HDAC9: variants seen among roughly 807,000 people sequenced by gnomAD.
HDAC9 encodes MEF-2 interacting transcription repressor (MITR) protein.
A neutral mutation model predicts 139.4 loss-of-function variants in HDAC9; 41 were observed. That is an observed-to-expected ratio of 0.29 (90% confidence interval 0.23 to 0.38). The LOEUF is 0.38. HDAC9 is among the 10% of genes least tolerant of loss of function. The pLI is 1.00. For missense variants in HDAC9, 1,147 were observed against 1,297.0 expected (o/e 0.88, Z 1.78); for synonymous variants, 517 against 476.2 (o/e 1.09, Z -1.12).
At chr7:18,312,860 C>A (rs137953300) in intron 1 of HDAC9, among the ~76,000 whole-genome samples, 8 of 152,154 alleles carry the variant, frequency 5.3e-5, no homozygotes, top group African/African-American at 1.4e-4. Context: ...TTAAGAAATG[C>A]AATTTGCTAA....
chr7:18,781,699 G>T (rs894054905), intron 16 of HDAC9, among the ~76,000 whole-genome samples: 9 of 151,972 alleles, frequency 5.9e-5, no homozygotes, highest in African/African-American at 2.2e-4. Context: ...GGAATCATCA[G>T]CTTTAGCCCT....
chr7:18,927,134 C>T (rs4721727), intron 22 of HDAC9, among the ~76,000 whole-genome samples: 5,087 of 152,130 alleles, frequency 0.033, 238 homozygotes, highest in East Asian at 0.18. Context: ...TAAGGTGATA[C>T]TTTAATGAAA....
chr7:18,929,939 A>AG (rs1165758342), intron 22 of HDAC9, among the ~76,000 whole-genome samples: 1 of 140,640 alleles, frequency 7.1e-6, no homozygotes, highest in East Asian at 2.3e-4. Context: ...ACGCCGCCTC[A>AG]AAAAAAAAAA....
At chr7:18,863,360 CGGCTTTGAACGTGGCCCAGGAT>C (rs1563000578) in intron 21 of HDAC9, among the ~76,000 whole-genome samples, 1 of 152,188 alleles carries the variant, frequency 6.6e-6, no homozygotes, top group African/African-American at 2.4e-5. Context: ...GGGCCCAGGA[CGGCTTTGAACGTGGCCCAGGAT>C]GGCTTTGAAC....
intron 21 of HDAC9, among the ~76,000 whole-genome samples, chr7:18,838,136 G>A (rs547909883): frequency 3.7e-4 from 57 of 152,062 alleles, no homozygotes; most frequent in African/African-American, 1.4e-3. Flanking sequence ...AATTTGTTAC[G>A]GCTAGGTCAA....
intron 2 of HDAC9, among the ~76,000 whole-genome samples, chr7:18,242,237 G>GT (rs1176957197): frequency 6.6e-6 from 1 of 152,200 alleles, no homozygotes; most frequent in Non-Finnish European, 1.5e-5. Flanking sequence ...CCTTGTATAT[G>GT]TAAGGCATTT....
In HDAC9 at chr7:18,774,076, G is replaced by T. The variant is rs143706492; in HGVS notation, c.2214+6921G>T. On this transcript the variant is annotated intron_variant, in intron 16 of 25. Coordinates refer to ENST00000686413, the MANE Select transcript of HDAC9 (RefSeq NM_178425.4). ...CAGGCAGTTCACAGCAGAATCCCTA[G>T]GATTTAATCATTCCCCAACTCAAGA... is the stretch of plus-strand genomic sequence containing the variant. 5.8e-3 allele frequency among the ~76,000 whole-genome samples: 887 copies of T among 151,706 alleles called. 10 individuals carry two copies. Among genetic ancestry groups the T allele is most frequent in the African/African-American group, 0.02 (842 of 41,402 alleles).
intron 22 of HDAC9, among the ~76,000 whole-genome samples, chr7:18,885,172 G>C (rs1800043523): frequency 2.0e-5 from 3 of 152,232 alleles, no homozygotes; most frequent in Admixed American, 1.3e-4. Flanking sequence ...TGAAAGCACA[G>C]CCTGGTCGTC....
At chr7:18,931,102 C>T (rs1399492935) in intron 22 of HDAC9, among the ~76,000 whole-genome samples, 3 of 152,046 alleles carry the variant, frequency 2.0e-5, no homozygotes, top group South Asian at 2.1e-4. Flanking sequence ...ACAGAAAAAG[C>T]GGTCTAGAAT....
chr7:18,158,347 T>C (rs1787377142), intron 1 of HDAC9, among the ~76,000 whole-genome samples: 1 of 152,220 alleles, frequency 6.6e-6, no homozygotes, highest in Admixed American at 6.5e-5. Flanking sequence ...TCATGTTTTG[T>C]GACTGAGTTT....
At chr7:18,156,700 C>A (rs1010840870) in intron 1 of HDAC9, among the ~76,000 whole-genome samples, 15 of 152,234 alleles carry the variant, frequency 9.9e-5, no homozygotes, top group Non-Finnish European at 1.9e-4. Flanking sequence ...ACATAAGATA[C>A]ATTATTATTG....
chr7:18,719,553 T>A (rs1784983113), intron 12 of HDAC9, among the ~76,000 whole-genome samples: 1 of 152,134 alleles, frequency 6.6e-6, no homozygotes, highest in African/African-American at 2.4e-5. Flanking sequence ...TTGGCCAGGC[T>A]TGTCTTGAAC....
At chr7:18,567,260 G>T (rs1822652491) in intron 2 of HDAC9, among the ~76,000 whole-genome samples, 1 of 152,064 alleles carries the variant, frequency 6.6e-6, no homozygotes, top group Non-Finnish European at 1.5e-5. Flanking sequence ...AATCGCATGG[G>T]GTTCTATGGC....
At chr7:18,174,283 T>A (rs969239300) in intron 2 of HDAC9, among the ~76,000 whole-genome samples, 1 of 152,232 alleles carries the variant, frequency 6.6e-6, no homozygotes, top group Non-Finnish European at 1.5e-5. Context: ...TCTCATTCCA[T>A]GGTTTTCAGC....
chr7:18,570,193 C>CA lies in HDAC9; in HGVS notation c.23-15079dup, dbSNP rs113519246. On this transcript the variant is annotated intron_variant, in intron 2 of 25. Transcript: ENST00000686413. ...AATTTAAGAAAAACAAAAACAAAAA[C>CA]AAAAAAAAATGCTAATTGCCTAGAC... Among the ~76,000 whole-genome samples, 208 of 149,546 alleles carry CA rather than the reference C, an allele frequency of 1.4e-3. 1 individual carries two copies. The highest frequency in any genetic ancestry group is 3.6e-3 in the African/African-American group (148 of 40,812).
intron 24 of HDAC9, among the ~76,000 whole-genome samples, chr7:18,971,927 A>G (rs1388350445): frequency 6.6e-6 from 1 of 152,210 alleles, no homozygotes; most frequent in Non-Finnish European, 1.5e-5. Context: ...CATTCTTCTT[A>G]AAGACTGCTA....
At chr7:18,785,815 A>T (rs949214953) in intron 16 of HDAC9, among the ~76,000 whole-genome samples, 2 of 152,110 alleles carry the variant, frequency 1.3e-5, no homozygotes, top group African/African-American at 4.8e-5. Flanking sequence ...TTCTCTAATT[A>T]CTAGCTGAAT....
intron 21 of HDAC9, among the ~76,000 whole-genome samples, chr7:18,849,382 G>A (rs1442966663): frequency 6.6e-6 from 1 of 151,996 alleles, no homozygotes; most frequent in Non-Finnish European, 1.5e-5. Context: ...CCTTTGCTAT[G>A]ACTATTAAAT....
intron 1 of HDAC9, among the ~76,000 whole-genome samples, chr7:18,161,502 C>G (rs1230944454): frequency 1.3e-5 from 2 of 152,088 alleles, no homozygotes; most frequent in African/African-American, 2.4e-5. Flanking sequence ...CTGCTTTTTT[C>G]TTAAGTTTGA....
Sources: allele counts gnomAD v4.1 joint callset (sites outside exome capture counted in the v4.1 genomes callset), GRCh38; gene constraint gnomAD v4.1.1; transcripts MANE v1.5; gene names NCBI Gene and HGNC (gene_info 2026-07-23, HGNC 2026-07-21).